Variants in ATL3 observed in about 807,000 individuals in gnomAD.
ATL3 encodes atlastin GTPase 3, also known as atlastin-3.
In ATL3, 49 loss-of-function variants were observed where a neutral mutation model predicts 69.5. The ratio of observed to expected loss-of-function variants is 0.71; its 90% confidence interval spans 0.56 to 0.89. The LOEUF (loss-of-function observed/expected upper bound fraction) is 0.89. ATL3 is among the 40% of genes least tolerant of loss of function. The pLI, the probability that ATL3 is intolerant of heterozygous loss-of-function variation, is 0.00. For missense variants in ATL3, 606 were observed against 645.7 expected (o/e 0.94, Z 0.67); for synonymous variants, 214 against 224.1 (o/e 0.95, Z 0.40).
chr11:63,630,908 AAAC>A lies in ATL3; in HGVS notation c.1539+129_1539+131del, dbSNP rs988072356. ...ATAATAAAACATACAGTCTATCAGAAAACAACAGCCAACGGAGTGGCCACTGTC... is the reference window on the plus strand; with the variant it reads ...ATAATAAAACATACAGTCTATCAGAAAACAGCCAACGGAGTGGCCACTGTC... On this transcript the variant is annotated intron_variant, in intron 12 of 12. Coordinates refer to ENST00000398868, the MANE Select transcript of ATL3 (RefSeq NM_015459.5). The A allele has an allele frequency of 2.4e-5, 18 of 747,636 alleles. 1 individual carries two copies. The highest frequency in any genetic ancestry group is 3.6e-5 in the Non-Finnish European group (17 of 470,428). 46.3% of individuals were successfully genotyped at this position (747,636 alleles called of 1,614,324 possible). A position where few individuals can be genotyped will look rare whatever the true frequency, so the allele number is the denominator to read the frequency against.
At chr11:63,651,156 T>TA (rs1343609428) in intron 5 of ATL3, among the ~76,000 whole-genome samples, 2 of 151,840 alleles carry the variant, frequency 1.3e-5, no homozygotes, top group East Asian at 1.9e-4. Context: ...CCTGCTGCTA[T>TA]AAAAAAAGAG....
intron 1 of ATL3, among the ~76,000 whole-genome samples, chr11:63,665,436 G>T (rs567216316): frequency 1.3e-5 from 2 of 152,218 alleles, no homozygotes; most frequent in South Asian, 4.1e-4. Flanking sequence ...ACAGCTATGG[G>T]GGAAAAGTCC....
intron 1 of ATL3, among the ~76,000 whole-genome samples, chr11:63,668,474 A>G (rs925132282): frequency 1.3e-5 from 2 of 152,262 alleles, no homozygotes; most frequent in Non-Finnish European, 2.9e-5. Context: ...AAATCTAATT[A>G]ACCAGAATAC....
intron 3 of ATL3, among the ~76,000 whole-genome samples, chr11:63,654,718 G>C (rs1246667695): frequency 7.9e-6 from 1 of 127,230 alleles, no homozygotes; most frequent in African/African-American, 3.0e-5. Flanking sequence ...TTTTTTTTGA[G>C]ACAGAGTTTT....
In ATL3 at chr11:63,628,344, G is replaced by C. The variant is rs1939187650; in HGVS notation, c.*975C>G. 6.6e-6 allele frequency: 1 copy of C among 150,924 alleles called. No individual in the cohort carries two copies. The highest frequency in any genetic ancestry group is 1.5e-5 in the Non-Finnish European group (1 of 67,854). The allele number at this position is 150,924 out of a possible 1,614,324, so 9.3% of individuals were successfully genotyped here. A position where few individuals can be genotyped will look rare whatever the true frequency, so the allele number is the denominator to read the frequency against. ...CAAAAAAAAAAAAAAAATAGAGCAA[G>C]TTGCAACAAAACTGTCAGCCTACTG... On this transcript the variant is annotated 3_prime_UTR_variant, in exon 13 of 13. Coordinates refer to ENST00000398868, the MANE Select transcript of ATL3 (RefSeq NM_015459.5).
chr11:63,667,305 T>C (rs753997227), intron 1 of ATL3, among the ~76,000 whole-genome samples: 2 of 152,058 alleles, frequency 1.3e-5, no homozygotes, highest in South Asian at 2.1e-4. Flanking sequence ...ATGTAGAAAA[T>C]GTTGAAAATC....
chr11:63,654,967 T>C (rs1376574439), intron 3 of ATL3, among the ~76,000 whole-genome samples: 1 of 152,170 alleles, frequency 6.6e-6, no homozygotes, highest in African/African-American at 2.4e-5. Flanking sequence ...TTGATTGATT[T>C]TTCTCCTCAT....
chr11:63,650,902 T>C (rs1170760572), intron 5 of ATL3, among the ~76,000 whole-genome samples: 1 of 152,000 alleles, frequency 6.6e-6, no homozygotes, highest in Non-Finnish European at 1.5e-5. Context: ...AATTATGAAG[T>C]ACAGACAATT....
chr11:63,657,757 T>C (rs574865334), intron 3 of ATL3, among the ~76,000 whole-genome samples: 10 of 152,108 alleles, frequency 6.6e-5, no homozygotes, highest in Non-Finnish European at 1.5e-4. Flanking sequence ...TTCCTTTTAT[T>C]GAAAAAAAAT....
At chr11:63,665,330 A>T (rs910918218) in intron 1 of ATL3, among the ~76,000 whole-genome samples, 3 of 145,314 alleles carry the variant, frequency 2.1e-5, no homozygotes, top group Non-Finnish European at 4.5e-5. Flanking sequence ...TGGGTGACAG[A>T]GTGAGACTCC....
At chr11:63,666,909 C>T (rs1940588996) in intron 1 of ATL3, among the ~76,000 whole-genome samples, 1 of 152,200 alleles carries the variant, frequency 6.6e-6, no homozygotes, top group Non-Finnish European at 1.5e-5. Flanking sequence ...TTTGCACAGA[C>T]ACAAAGCTAC....
intron 3 of ATL3, 105 bp downstream of exon 3, chr11:63,658,656 T>C (rs777858061): frequency 9.3e-6 from 12 of 1,288,044 alleles, no homozygotes; most frequent in Non-Finnish European, 1.2e-5. Context: ...TTTACCCATT[T>C]TAAATTCTTT....
At position 63,632,466 on chromosome 11, in the gene ATL3, T is replaced by A. The variant is rs2134464612; in HGVS notation, c.1107+560A>T. 3.6e-6 allele frequency: 3 copies of A among 843,240 alleles called. No individual in the cohort carries two copies. In the East Asian group the frequency reaches 7.2e-5, roughly 20 times the overall value. 52.2% of individuals were successfully genotyped at this position (843,240 alleles called of 1,614,324 possible). A position where few individuals can be genotyped will look rare whatever the true frequency, so the allele number is the denominator to read the frequency against. ...CAAGTGATCCAACATCAAATATTTG[T>A]AAAAGAGTAACTGGTTTGGAAGGAG... is the stretch of plus-strand genomic sequence containing the variant. On this transcript the variant is annotated intron_variant, in intron 11 of 12. Transcript: ENST00000398868.
rs537197089 is a variant in ATL3, at chr11:63,647,624, T to C, written c.562-1061A>G. On this transcript the variant is annotated intron_variant, in intron 5 of 12. Coordinates refer to ENST00000398868, the MANE Select transcript of ATL3 (RefSeq NM_015459.5). ...AATATTTGTCTGTTTTGTGCACTAC[T>C]GGATTTCCAGCAGCAAGAAAAGTAT... Among the ~76,000 whole-genome samples the C allele has an allele frequency of 1.9e-4, 29 of 152,378 alleles. 1 individual carries two copies. In the South Asian group the frequency reaches 6.0e-3, roughly 32 times the overall value.
chr11:63,629,174 G>C lies in ATL3; in HGVS notation c.*145C>G. 1.6e-6 allele frequency: 1 copy of C among 639,756 alleles called. No individual in the cohort carries two copies. Among genetic ancestry groups the C allele is most frequent in the South Asian group, 1.9e-5 (1 of 51,378 alleles). 39.6% of individuals were successfully genotyped at this position (639,756 alleles called of 1,614,324 possible). Reference sequence around the variant, plus strand: ...TAATTTGAAACCACAGGAGAGGTCTGCTCATTTATTACAGGGCCATGTTTT... The same window carrying C: ...TAATTTGAAACCACAGGAGAGGTCTCCTCATTTATTACAGGGCCATGTTTT... On this transcript the variant is annotated 3_prime_UTR_variant, in exon 13 of 13. Coordinates refer to ENST00000398868, the MANE Select transcript of ATL3 (RefSeq NM_015459.5).
At position 63,631,240 on chromosome 11, in the gene ATL3, G is replaced by A. The variant is rs1163574823; in HGVS notation, c.1339C>T (p.Leu447=). 6.2e-7 allele frequency: 1 copy of A among 1,614,232 alleles called. No homozygotes were observed. Among genetic ancestry groups the A allele is most frequent in the East Asian group, 2.2e-5 (1 of 44,888 alleles). The part of the protein sequence containing the change: ...VFSTFRTPAV[L]FTGIVALYIA... ...TACAAAGCTACAATGCCCGTGAACAGCACTGCAGGGGTTCGGAAGGTGCTG... is the reference window on the plus strand; with the variant it reads ...TACAAAGCTACAATGCCCGTGAACAACACTGCAGGGGTTCGGAAGGTGCTG... The change falls in exon 12 of 13, where the codon CTG becomes TTG. Residue 447 remains leucine (L), a synonymous_variant. Transcript: ENST00000398868.
In ATL3 at chr11:63,654,771, A is replaced by G. The variant is rs745905037; in HGVS notation, c.406-2196T>C. Among the ~76,000 whole-genome samples, 18 of 142,980 alleles carry G rather than the reference A, an allele frequency of 1.3e-4. 1 individual carries two copies. Among genetic ancestry groups the G allele is most frequent in the Non-Finnish European group, 2.7e-4 (18 of 66,268 alleles). The allele number at this position is 142,980 out of a possible 152,430, so 93.8% of individuals were successfully genotyped here. On this transcript the variant is annotated intron_variant, in intron 3 of 12. Transcript: ENST00000398868. ...GAGTGCAATGGCGCAACCTCGGCTC[A>G]CCACAACCTCCACCTCCCAGGTTCA...
chr11:63,671,080 A>C (rs1395385402), intron 1 of ATL3, among the ~76,000 whole-genome samples: 1 of 152,170 alleles, frequency 6.6e-6, no homozygotes, highest in Non-Finnish European at 1.5e-5. Flanking sequence ...CCGAAAAGTA[A>C]GGAAGGTGCC....
At chr11:63,659,314 G>A in intron 1 of ATL3, 62 bp from the exon 2 acceptor site, 2 of 1,482,900 alleles carry the variant, frequency 1.3e-6, no homozygotes, top group Non-Finnish European at 1.9e-6. Context: ...TTGAATATAG[G>A]GAAAACAAAA....
Sources: gnomAD v4.1 joint callset for allele counts (sites outside exome capture counted in the v4.1 genomes callset) on GRCh38, gnomAD v4.1.1 for gene constraint, MANE v1.5 for transcripts, NCBI Gene and HGNC (gene_info 2026-07-23, HGNC 2026-07-21) for gene names.